METTL14: variants seen among roughly 807,000 people sequenced by gnomAD.
The protein encoded by METTL14 is methyltransferase 14, N6-adenosine-methyltransferase non-catalytic subunit, also known as N(6)-adenosine-methyltransferase non-catalytic subunit METTL14.
METTL14 carries 32 observed loss-of-function variants against 62.4 expected under a neutral mutation model. That is an observed-to-expected ratio of 0.51 (90% confidence interval 0.39 to 0.69). The LOEUF (loss-of-function observed/expected upper bound fraction) is 0.69, where lower values mean the gene tolerates loss of function less well. METTL14 is among the 30% of genes least tolerant of loss of function. The probability of loss-of-function intolerance (pLI) is 0.00; values close to 1 mark genes in which losing one functional copy is unlikely to be tolerated. For missense variants in METTL14, 340 were observed against 551.9 expected, an observed-to-expected ratio of 0.62 and a Z score of 3.85; for synonymous variants, 150 against 180.0, an observed-to-expected ratio of 0.83 and a Z score of 1.34.
intron 6 of METTL14, among the ~76,000 whole-genome samples, chr4:118,695,416 G>T (rs933437445): frequency 1.3e-5 from 2 of 151,932 alleles, no homozygotes; most frequent in African/African-American, 2.4e-5. Context: ...GGGCATGGTG[G>T]TGCACGCCTG....
chr4:118,697,597 T>C (rs1007256413), intron 7 of METTL14, among the ~76,000 whole-genome samples: 10 of 152,104 alleles, frequency 6.6e-5, no homozygotes, highest in African/African-American at 2.2e-4. Flanking sequence ...CTTGGCTATA[T>C]AGTTAGAGAA....
intron 10 of METTL14, 101 bp downstream of exon 10, chr4:118,705,922 T>C: frequency 1.1e-6 from 1 of 930,572 alleles, no homozygotes; most frequent in South Asian, 1.6e-5. Context: ...TGCATTTGAT[T>C]CCTTTTCTTG....
rs1457945276 is a variant in METTL14 at position 118,715,015 on chromosome 4, T to G, written c.*4713T>G. 1.3e-5 allele frequency: 2 copies of G among 152,270 alleles called. 1 individual carries two copies. The highest frequency in any genetic ancestry group is 2.9e-5 in the Non-Finnish European group (2 of 68,046). 9.4% of individuals were successfully genotyped at this position (152,270 alleles called of 1,614,324 possible). A position where few individuals can be genotyped will look rare whatever the true frequency, so the allele number is the denominator to read the frequency against. Reference sequence around the variant, plus strand: ...CACCTTTGAAAGCATATTAAGTAGTTGGCTTACTTTGGAACACACAGTAGA... The same window carrying G: ...CACCTTTGAAAGCATATTAAGTAGTGGGCTTACTTTGGAACACACAGTAGA... On this transcript the variant is annotated 3_prime_UTR_variant, in exon 11 of 11. Transcript: ENST00000388822.
intron 6 of METTL14, among the ~76,000 whole-genome samples, chr4:118,696,106 A>C: frequency 8.7e-6 from 1 of 115,088 alleles, no homozygotes; most frequent in African/African-American, 3.2e-5. Flanking sequence ...CAACAGAGTG[A>C]GACTCTGTCT....
At position 118,701,633 on chromosome 4, in the gene METTL14, TACTC is replaced by T. The variant is rs1408346536; in HGVS notation, c.738+996_738+999del. 5.9e-5 allele frequency among the ~76,000 whole-genome samples: 9 copies of T among 152,376 alleles called. No homozygotes were observed. In the East Asian group the frequency reaches 1.5e-3, roughly 26 times the overall value. On this transcript the variant is annotated intron_variant, in intron 8 of 10. Transcript: ENST00000388822. ...AACAGTAAGACTTTGGGCAAAAAGA[TACTC>T]ACTCTTGAGGGTCTCAATTTTGTCA...
In METTL14 at chr4:118,713,874, T is replaced by C. The variant is rs1400553363; in HGVS notation, c.*3572T>C. 6.6e-6 allele frequency: 1 copy of C among 152,106 alleles called. No homozygotes were observed. Among genetic ancestry groups the C allele is most frequent in the Non-Finnish European group, 1.5e-5 (1 of 67,936 alleles). The allele number at this position is 152,106 out of a possible 1,614,324, so 9.4% of individuals were successfully genotyped here. ...TAACTCTATCATTTACTCGTATAAA[T>C]ATTGCTAGCTGTAATGCACAGAGAA... On this transcript the variant is annotated 3_prime_UTR_variant, in exon 11 of 11. Transcript: ENST00000388822.
rs1181093313 is a variant in METTL14 at position 118,710,211 on chromosome 4, G to A, written c.1280G>A (p.Arg427Gln). The A allele has an allele frequency of 3.1e-6, 5 of 1,614,184 alleles. No individual in the cohort carries two copies. Among genetic ancestry groups the A allele is most frequent in the South Asian group, 2.2e-5 (2 of 91,070 alleles). ...GGTGGAACTTCTGCTGGCCGTGGAC[G>A]AGAAAGAAATAGATCTAACTTCCGA... Reference protein sequence around the residue: ...GRGGTSAGRGRERNRSNFRGE... With the variant: ...GRGGTSAGRGQERNRSNFRGE... Residue 427 changes from arginine (R) to glutamine (Q), a missense_variant, in exon 11 of 11, where the codon CGA becomes CAA. Around this residue, in one of 7 missense-constraint regions of METTL14, gnomAD observed 44 missense variants for 56.4 expected, o/e 0.78. Transcript: ENST00000388822.
intron 6 of METTL14, among the ~76,000 whole-genome samples, chr4:118,695,597 T>C (rs1724384206): frequency 6.6e-6 from 1 of 152,180 alleles, no homozygotes; most frequent in Non-Finnish European, 1.5e-5. Context: ...GTCAAGTAAT[T>C]TGTTTGTTAA....
At chr4:118,702,194 C>T (rs1387342212) in intron 8 of METTL14, among the ~76,000 whole-genome samples, 2 of 150,516 alleles carry the variant, frequency 1.3e-5, no homozygotes, top group Non-Finnish European at 3.0e-5. Flanking sequence ...ATCTTGGCTC[C>T]CTGCAAAACT....
At chr4:118,690,631 G>T (rs574526612) in intron 3 of METTL14, among the ~76,000 whole-genome samples, 1 of 148,720 alleles carries the variant, frequency 6.7e-6, no homozygotes, top group South Asian at 2.1e-4. Flanking sequence ...AGTGAGCTGA[G>T]ACCATGCCAC....
At chr4:118,691,298 C>G (rs947030179) in intron 3 of METTL14, among the ~76,000 whole-genome samples, 1 of 151,994 alleles carries the variant, frequency 6.6e-6, no homozygotes, top group African/African-American at 2.4e-5. Context: ...TTAGACAAAT[C>G]AATCAGCAAA....
chr4:118,688,073 C>A, intron 2 of METTL14, 62 bp downstream of exon 2: 2 of 1,308,942 alleles, frequency 1.5e-6, no homozygotes, highest in South Asian at 1.3e-5. Context: ...GTTGCTTAGG[C>A]TGGATAGGCT....
In METTL14 at chr4:118,709,961, C is replaced by T. The variant is rs776954525; in HGVS notation, c.1067-37C>T. On this transcript the variant is annotated intron_variant, in intron 10 of 10. Transcript: ENST00000388822. ...CTAAAGAATTAATAAGAGAGAATTG[C>T]AAATAAAAAGTATAATCTTTTTTTC... is the stretch of plus-strand genomic sequence containing the variant. 6 of 1,543,620 alleles carry T rather than the reference C, an allele frequency of 3.9e-6. No individual in the cohort carries two copies. The Admixed American group carries it at 1.2e-4, about 32-fold the overall frequency.
chr4:118,703,758 A>G (rs1385642606), intron 8 of METTL14, among the ~76,000 whole-genome samples, 177 bp from the exon 9 acceptor site: 2 of 152,234 alleles, frequency 1.3e-5, no homozygotes, highest in Non-Finnish European at 2.9e-5. Context: ...TATTATGGCT[A>G]TGTATTTAAA....
At chr4:118,691,755 T>C in intron 4 of METTL14, 143 bp downstream of exon 4, 1 of 588,854 alleles carries the variant, frequency 1.7e-6, no homozygotes, top group Non-Finnish European at 2.9e-6. Context: ...TTAAAATTAC[T>C]CATGAAATAG....
At chr4:118,707,094 C>T (rs1275246393) in intron 10 of METTL14, among the ~76,000 whole-genome samples, 8 of 151,652 alleles carry the variant, frequency 5.3e-5, no homozygotes, top group Non-Finnish European at 1.2e-4. Flanking sequence ...TATTTTCTTT[C>T]TAGTTTCTTT....
intron 3 of METTL14, among the ~76,000 whole-genome samples, chr4:118,691,064 A>T (rs180912618): frequency 6.6e-6 from 1 of 152,124 alleles, no homozygotes; most frequent in African/African-American, 2.4e-5. Context: ...ATATTGTCTT[A>T]TATGTTGCAG....
At chr4:118,698,713 CAGA>C (rs1724499526) in intron 7 of METTL14, among the ~76,000 whole-genome samples, 2 of 151,934 alleles carry the variant, frequency 1.3e-5, no homozygotes, top group African/African-American at 4.8e-5. Context: ...GAGTGAGTTT[CAGA>C]AGATGAGCAG....
In METTL14 at chr4:118,697,206, C is replaced by T. The variant is rs747030371; in HGVS notation, c.528C>T (p.Ala176=). 3 of 1,609,796 alleles carry T rather than the reference C, an allele frequency of 1.9e-6. No homozygotes were observed. Among genetic ancestry groups the T allele is most frequent in the East Asian group, 2.2e-5 (1 of 44,676 alleles). ...PPMYLQADIE[A]FDIRELTPKF... is the part of the protein sequence containing the mutation. Reference sequence around the variant, plus strand: ...GGTACTTACAAGCCGATATAGAAGCCTTTGACATCAGAGAACTAACACCCA... The same window carrying T: ...GGTACTTACAAGCCGATATAGAAGCTTTTGACATCAGAGAACTAACACCCA... The change falls in exon 7 of 11, where the codon GCC becomes GCT. Residue 176 remains alanine (A), a synonymous_variant. Coordinates refer to ENST00000388822, the MANE Select transcript of METTL14 (RefSeq NM_020961.4).
Sources: allele counts gnomAD v4.1 joint callset (sites outside exome capture counted in the v4.1 genomes callset), GRCh38; gene constraint gnomAD v4.1.1; regional missense constraint gnomAD v4.1.1; transcripts MANE v1.5; gene names NCBI Gene and HGNC (gene_info 2026-07-23, HGNC 2026-07-21).